AK9: variants seen among roughly 807,000 people sequenced by gnomAD.
The protein encoded by AK9 is adenylate kinase domain containing 1.
In AK9, 191 loss-of-function variants were observed where a neutral mutation model predicts 239.6. The observed-to-expected ratio is 0.80, with a 90% CI of 0.71 to 0.90. The LOEUF is 0.90. Among genes scored for constraint, AK9 ranks in the 40% least tolerant of loss-of-function variants. The pLI is 0.00. For missense variants in AK9, 1,995 were observed against 2,214.7 expected, an observed-to-expected ratio of 0.90 and a Z score of 1.99; for synonymous variants, 689 against 721.0, an observed-to-expected ratio of 0.96 and a Z score of 0.71.
chr6:109,497,620 T>G (rs1260373728), intron 37 of AK9, 57 bp from the exon 38 acceptor site: 64 of 1,373,320 alleles, frequency 4.7e-5, no homozygotes, highest in Non-Finnish European at 6.4e-5. Context: ...TGCAGTCCTG[T>G]GTAAATAAAA....
chr6:109,586,158 A>T, intron 17 of AK9, 86 bp from the exon 18 acceptor site: 1 of 1,180,558 alleles, frequency 8.5e-7, no homozygotes, highest in Non-Finnish European at 1.1e-6. Flanking sequence ...TGGATCTTAA[A>T]CAAGTATCTT....
chr6:109,496,698 G>A (rs1283857854), intron 38 of AK9, among the ~76,000 whole-genome samples: 2 of 152,044 alleles, frequency 1.3e-5, no homozygotes, highest in Non-Finnish European at 2.9e-5. Context: ...TTCTCAGGGT[G>A]TGGTCCCAAG....
At chr6:109,656,914 C>A (rs1471137574) in intron 7 of AK9, 30 bp from the exon 8 acceptor site, 10 of 1,609,216 alleles carry the variant, frequency 6.2e-6, no homozygotes, top group East Asian at 2.2e-5. Flanking sequence ...TTTCAAATAT[C>A]TTTAGGTCAA....
At chr6:109,657,549 C>CT (rs374142932) in intron 7 of AK9, among the ~76,000 whole-genome samples, 76,713 of 145,032 alleles carry the variant, frequency 0.53, 20,709 homozygotes, top group South Asian at 0.77. Flanking sequence ...AAGTTTCTTT[C>CT]TTTTTTTTTT....
intron 5 of AK9, among the ~76,000 whole-genome samples, chr6:109,668,497 C>T (rs1801585788): frequency 6.6e-6 from 1 of 150,962 alleles, no homozygotes; most frequent in Non-Finnish European, 1.5e-5. Context: ...AATGGTATTG[C>T]CTAGGTTTTC....
intron 12 of AK9, among the ~76,000 whole-genome samples, chr6:109,621,919 AAAAACAGAAAG>A (rs1562506586): frequency 8.9e-6 from 1 of 112,472 alleles, no homozygotes; most frequent in Non-Finnish European, 1.9e-5. Context: ...AAAACAAAAA[AAAAACAGAAAG>A]AGAAATTCCA....
At chr6:109,517,161 G>C (rs1034414748) in intron 29 of AK9, among the ~76,000 whole-genome samples, 2 of 152,084 alleles carry the variant, frequency 1.3e-5, no homozygotes, top group Non-Finnish European at 2.9e-5. Context: ...CTTTCAAAGG[G>C]TCTGTGGTTT....
rs777154550 is a variant in AK9 at position 109,659,228 on chromosome 6, C to T, written c.630G>A (p.Glu210=). 44 of 1,573,514 alleles carry T rather than the reference C, an allele frequency of 2.8e-5. No homozygotes were observed. The highest frequency in any genetic ancestry group is 3.6e-5 in the Non-Finnish European group (42 of 1,166,938). The change falls in exon 7 of 41, where the codon GAG becomes GAA. Residue 210 remains glutamate, a splice_region_variant and synonymous_variant. Coordinates refer to ENST00000424296, the MANE Select transcript of AK9 (RefSeq NM_001145128.3). ...TGGTAGTTACCTATTGAGATATTAC[C>T]TCTTCTTCTTCTTGCTCTTCTTCCT... The part of the protein sequence containing the change: ...EEEEEEQEEE[E]AFIAEMQMVA...
chr6:109,509,115 C>T (rs749010860), intron 33 of AK9, 64 bp downstream of exon 33: 784 of 1,450,236 alleles, frequency 5.4e-4, no homozygotes, highest in Non-Finnish European at 6.8e-4. Context: ...TTTTAAATCA[C>T]GAGCGAGCAG....
intron 9 of AK9, among the ~76,000 whole-genome samples, chr6:109,643,691 T>G (rs1442414097): frequency 6.6e-6 from 1 of 152,220 alleles, no homozygotes; most frequent in East Asian, 1.9e-4. Context: ...AAGGTCTTTC[T>G]TGGTGCAATC....
At chr6:109,622,007 T>C (rs1424234457) in intron 12 of AK9, among the ~76,000 whole-genome samples, 7 of 144,078 alleles carry the variant, frequency 4.9e-5, no homozygotes, top group African/African-American at 1.8e-4. Flanking sequence ...TTGTTCATCA[T>C]AGCCTAGTTT....
intron 1 of AK9, among the ~76,000 whole-genome samples, chr6:109,679,264 G>T (rs751194250): frequency 2.1e-4 from 32 of 152,158 alleles, no homozygotes; most frequent in African/African-American, 7.2e-4. Flanking sequence ...CTGGAGCCTG[G>T]CTGGGGGAGG....
chr6:109,493,384 G>A lies in AK9; in HGVS notation c.5721C>T (p.Asp1907=). 1.2e-6 allele frequency: 2 copies of A among 1,613,594 alleles called. No homozygotes were observed. The highest frequency in any genetic ancestry group is 1.7e-6 in the Non-Finnish European group (2 of 1,179,718). The stretch of plus-strand genomic sequence containing the variant: ...CCTAAGTAAACTACCCATTAATTGG[G>A]TCTATATTTCTGAGAGAGAGAAAGG... ...LKTFLSLRNI[D]PING Residue 1907 remains aspartate (D), a synonymous_variant, in exon 41 of 41, where the codon GAC becomes GAT. Coordinates refer to ENST00000424296, the MANE Select transcript of AK9 (RefSeq NM_001145128.3).
intron 1 of AK9, among the ~76,000 whole-genome samples, 170 bp from the exon 2 acceptor site, chr6:109,675,926 A>G (rs868759955): frequency 5.9e-5 from 9 of 152,154 alleles, no homozygotes; most frequent in Admixed American, 2.0e-4. Flanking sequence ...TATAAAAACA[A>G]TAGTAAGCTC....
intron 33 of AK9, 112 bp from the exon 34 acceptor site, chr6:109,506,912 A>C: frequency 7.2e-7 from 1 of 1,380,826 alleles, no homozygotes; most frequent in East Asian, 2.6e-5. Context: ...GATTTTCCTT[A>C]TGTAACTCAA....
At chr6:109,646,845 T>C (rs994679409) in intron 8 of AK9, among the ~76,000 whole-genome samples, 5 of 152,140 alleles carry the variant, frequency 3.3e-5, no homozygotes, top group Non-Finnish European at 7.4e-5. Flanking sequence ...GAGAGAAAGG[T>C]TGGGTTACCC....
chr6:109,499,835 G>A (rs571186429), intron 35 of AK9, among the ~76,000 whole-genome samples: 1 of 152,216 alleles, frequency 6.6e-6, no homozygotes, highest in African/African-American at 2.4e-5. Flanking sequence ...CCTGGCCTCA[G>A]GTGATCCACC....
At chr6:109,544,146 G>A (rs1453315142) in intron 26 of AK9, among the ~76,000 whole-genome samples, 1 of 152,026 alleles carries the variant, frequency 6.6e-6, no homozygotes, top group African/African-American at 2.4e-5. Context: ...TGTCTGATCA[G>A]GTACTTCATT....
Position 109,612,650 on chromosome 6 carries a change from GT to G in AK9, c.1610-558del, listed in dbSNP as rs369449806. ...AATGTATAGGGGGTGGGGTCGTTCT[GT>G]GAAGGCTGTGTGTGTTAAGGGAGGA... On this transcript the variant is annotated intron_variant, in intron 15 of 40. Coordinates refer to ENST00000424296, the MANE Select transcript of AK9 (RefSeq NM_001145128.3). Among the ~76,000 whole-genome samples the G allele has an allele frequency of 1.4e-3, 214 of 152,142 alleles. 1 individual carries two copies. The highest frequency in any genetic ancestry group is 4.6e-3 in the African/African-American group (192 of 41,530).
Sources: allele counts gnomAD v4.1 joint callset (sites outside exome capture counted in the v4.1 genomes callset), GRCh38; gene constraint gnomAD v4.1.1; transcripts MANE v1.5; gene names NCBI Gene and HGNC (gene_info 2026-07-23, HGNC 2026-07-21).